The following CD83 variants were observed in gnomAD, a reference collection of about 807,000 sequenced individuals.
CD83 encodes CD83 molecule, also known as CD83 antigen.
Under a neutral mutation model 24.6 loss-of-function variants are expected in CD83, and 22 were observed. That is an observed-to-expected ratio of 0.90 (90% CI 0.64 to 1.28). CD83 has a LOEUF of 1.28. Among genes scored for constraint, CD83 ranks in the 50% most tolerant of loss-of-function variants. The probability of loss-of-function intolerance (pLI) is 0.00; values close to 1 mark genes in which losing one functional copy is unlikely to be tolerated. For missense variants in CD83, 253 were observed against 252.8 expected, an observed-to-expected ratio of 1.00 and a Z score of -0.01; for synonymous variants, 101 against 103.5, an observed-to-expected ratio of 0.98 and a Z score of 0.14.
chr6:14,117,399 C>G (rs1247441130), upstream of CD83: 1 of 152,168 alleles, frequency 6.6e-6, no homozygotes, highest in Admixed American at 6.5e-5. This position sits in a 1 kb window ranked among gnomAD's most constrained non-coding sequence, Gnocchi z 4.6. Context: ...TCGGATGGCC[C>G]GGTTCCCGGC....
rs567482015 is a variant in CD83, at chr6:14,129,878, C to T, written c.154-1642C>T. 5.8e-4 allele frequency among the ~76,000 whole-genome samples: 87 copies of T among 151,162 alleles called. No individual in the cohort carries two copies. In the South Asian group the frequency reaches 9.4e-3, roughly 16 times the overall value. On this transcript the variant is annotated intron_variant, in intron 2 of 4. Transcript: ENST00000379153. This position sits in a 1 kb window ranked among gnomAD's most constrained non-coding sequence, Gnocchi z 4.3. ...GTGTGTGTGTGTATACGAGTGCACACGTGCCCATGTGTATGTATTTTCTTT... is the reference window on the plus strand; with the variant it reads ...GTGTGTGTGTGTATACGAGTGCACATGTGCCCATGTGTATGTATTTTCTTT...
At chr6:14,121,806 C>A (rs1759677617) in intron 2 of CD83, among the ~76,000 whole-genome samples, 1 of 152,020 alleles carries the variant, frequency 6.6e-6, no homozygotes, top group Non-Finnish European at 1.5e-5. Context: ...CATTAAAGGG[C>A]TGCATGTGGA....
rs150522701 is a variant in CD83 at position 14,129,994 on chromosome 6, G to C, written c.154-1526G>C. Among the ~76,000 whole-genome samples, 1 of 152,256 alleles carries C rather than the reference G, an allele frequency of 6.6e-6. No individual in the cohort carries two copies. Among genetic ancestry groups the C allele is most frequent in the East Asian group, 1.9e-4 (1 of 5,174 alleles). Reference sequence around the variant, plus strand: ...TCCTAAAAGTCAGAGAAGAGTTGTAGGGTGCTCCCAGAACGGGAGATTCAT... The same window carrying C: ...TCCTAAAAGTCAGAGAAGAGTTGTACGGTGCTCCCAGAACGGGAGATTCAT... On this transcript the variant is annotated intron_variant, in intron 2 of 4. Coordinates refer to ENST00000379153, the MANE Select transcript of CD83 (RefSeq NM_004233.4). The surrounding 1 kb of genome is among the most constrained non-coding windows in gnomAD (Gnocchi z 4.3).
At position 14,131,700 on chromosome 6, in the gene CD83, C is replaced by T. The variant is rs779294520; in HGVS notation, c.334C>T (p.Pro112Ser). ...SGTYRCTLQD[P>S]DGQRNLSGKV... is the part of the protein sequence containing the mutation. The stretch of plus-strand genomic sequence containing the variant: ...GACATACAGGTGCACTCTGCAGGAC[C>T]CGGATGGGCAGAGAAACCTAAGTGG... Residue 112 changes from proline (P) to serine (S), a missense_variant, in exon 3 of 5, where the codon CCG becomes TCG. Transcript: ENST00000379153. 3.1e-6 allele frequency: 5 copies of T among 1,614,022 alleles called. No individual in the cohort carries two copies. Among genetic ancestry groups the T allele is most frequent in the African/African-American group, 2.7e-5 (2 of 74,894 alleles).
rs1029082241 is a variant in CD83, at chr6:14,135,691, A to G, written c.*455A>G. 6.4e-6 allele frequency: 1 copy of G among 155,292 alleles called. No individual in the cohort carries two copies. The highest frequency in any genetic ancestry group is 2.0e-4 in the South Asian group (1 of 4,958). 9.6% of individuals were successfully genotyped at this position (155,292 alleles called of 1,614,324 possible). The stretch of plus-strand genomic sequence containing the variant: ...CCCAGATGTTTTACGTCTGGGAGAA[A>G]TTGACAGATCAAGCTGTGAGACAGT... On this transcript the variant is annotated 3_prime_UTR_variant, in exon 5 of 5. Coordinates refer to ENST00000379153, the MANE Select transcript of CD83 (RefSeq NM_004233.4).
rs853357 is a variant in CD83 at position 14,129,399 on chromosome 6, A to G, written c.154-2121A>G. 0.087 allele frequency among the ~76,000 whole-genome samples: 13,252 copies of G among 152,200 alleles called. 766 individuals carry two copies. The highest frequency in any genetic ancestry group is 0.2 in the East Asian group (1,053 of 5,160). On this transcript the variant is annotated intron_variant, in intron 2 of 4. Transcript: ENST00000379153. This position sits in a 1 kb window ranked among gnomAD's most constrained non-coding sequence, Gnocchi z 4.3. ...TGAGCCCATGACGAGGCTTCAGTTT[A>G]TGGTTTACTTAGGCTTGAAAAGGGA... is the stretch of plus-strand genomic sequence containing the variant.
intron 3 of CD83, among the ~76,000 whole-genome samples, chr6:14,133,189 A>G (rs1329653443): frequency 1.3e-5 from 2 of 152,246 alleles, no homozygotes; most frequent in Non-Finnish European, 2.9e-5. Flanking sequence ...GACACACCAC[A>G]GTCTACCCAA....
chr6:14,134,393 G>A (rs983287897), intron 4 of CD83, among the ~76,000 whole-genome samples: 2 of 152,198 alleles, frequency 1.3e-5, no homozygotes, highest in African/African-American at 4.8e-5. Flanking sequence ...CTTTCTGCAT[G>A]GCTGCTCACC....
intron 4 of CD83, among the ~76,000 whole-genome samples, chr6:14,134,898 A>G (rs1758007629): frequency 6.6e-6 from 1 of 152,238 alleles, no homozygotes; most frequent in African/African-American, 2.4e-5. Context: ...GGGGGTCGAA[A>G]TGGCCACAAT....
rs1759886351 is a variant in CD83 at position 14,129,047 on chromosome 6, G to A, written c.154-2473G>A. The stretch of plus-strand genomic sequence containing the variant: ...CAGAGGGGTTCACAGTGTTGATCTT[G>A]ACTTTCAGATGGGCCTTTCTGAGCT... On this transcript the variant is annotated intron_variant, in intron 2 of 4. Transcript: ENST00000379153. The surrounding 1 kb of genome is among the most constrained non-coding windows in gnomAD (Gnocchi z 4.3). Among the ~76,000 whole-genome samples, 1 of 152,180 alleles carries A rather than the reference G, an allele frequency of 6.6e-6. No individual in the cohort carries two copies. The highest frequency in any genetic ancestry group is 1.5e-5 in the Non-Finnish European group (1 of 68,030).
chr6:14,122,221 T>A (rs1283401968), intron 2 of CD83, among the ~76,000 whole-genome samples: 1 of 152,238 alleles, frequency 6.6e-6, no homozygotes, highest in Non-Finnish European at 1.5e-5. Flanking sequence ...TGGAGTGTTC[T>A]GCTTCTGACA....
At position 14,118,289 on chromosome 6, in the gene CD83, C is replaced by T. The variant is rs114736117; in HGVS notation, c.153+224C>T. Among the ~76,000 whole-genome samples the T allele has an allele frequency of 9.8e-3, 1,488 of 152,250 alleles. 22 individuals carry two copies. The highest frequency in any genetic ancestry group is 0.034 in the African/African-American group (1,430 of 41,524). ...TTTGCTCTCCGCAGACCTCAATCCCCTTCCTGTCACTGAAGGTGGCCTGAG... is the reference window on the plus strand; with the variant it reads ...TTTGCTCTCCGCAGACCTCAATCCCTTTCCTGTCACTGAAGGTGGCCTGAG... On this transcript the variant is annotated intron_variant, in intron 2 of 4. Transcript: ENST00000379153.
upstream of CD83, chr6:14,117,595 G>A (rs1171702283): frequency 6.6e-6 from 1 of 150,424 alleles, no homozygotes; most frequent in Non-Finnish European, 1.4e-5. The surrounding 1 kb of genome is among the most constrained non-coding windows in gnomAD (Gnocchi z 4.6). Flanking sequence ...GTGCGACGGG[G>A]GCGGGGACGG....
At chr6:14,131,808 T>C (rs151045544) in intron 3 of CD83, 60 bp downstream of exon 3, 5 of 1,180,022 alleles carry the variant, frequency 4.2e-6, no homozygotes, top group Non-Finnish European at 6.3e-6. Flanking sequence ...TTCCTTTAGG[T>C]CCTAAAATCG....
Position 14,135,333 on chromosome 6 carries a change from G to T in CD83, c.*97G>T. On this transcript the variant is annotated 3_prime_UTR_variant, in exon 5 of 5. Transcript: ENST00000379153. The stretch of plus-strand genomic sequence containing the variant: ...AGAAGAATGAGCCTACGCTGAAGAT[G>T]GCATCCTGTGAAGTCCTTCACCTCA... 1 of 1,352,406 alleles carries T rather than the reference G, an allele frequency of 7.4e-7. No homozygotes were observed. 83.8% of individuals were successfully genotyped at this position (1,352,406 alleles called of 1,614,324 possible).
rs945742300 is a variant in CD83, at chr6:14,131,862, T to C, written c.382+114T>C. 5.8e-6 allele frequency: 4 copies of C among 694,528 alleles called. No homozygotes were observed. The East Asian group carries it at 8.1e-5, about 14-fold the overall frequency. 43.0% of individuals were successfully genotyped at this position (694,528 alleles called of 1,614,324 possible). On this transcript the variant is annotated intron_variant, in intron 3 of 4. Coordinates refer to ENST00000379153, the MANE Select transcript of CD83 (RefSeq NM_004233.4). ...TAGCTCTAGAGCTTTGGATCACATCTGTGGCTGAAAGTGGAAATCCGCTGC... is the reference window on the plus strand; with the variant it reads ...TAGCTCTAGAGCTTTGGATCACATCCGTGGCTGAAAGTGGAAATCCGCTGC...
chr6:14,118,198 G>C (rs541552228), intron 2 of CD83, 133 bp downstream of exon 2: 1 of 617,404 alleles, frequency 1.6e-6, no homozygotes, highest in African/African-American at 1.9e-5. Context: ...GCTGAACTTG[G>C]AGTACCCAGC....
At chr6:14,117,648 G>A (rs1044518654), upstream of CD83, 4 of 394,480 alleles carry the variant, frequency 1.0e-5, no homozygotes, top group Non-Finnish European at 1.8e-5. This position sits in a 1 kb window ranked among gnomAD's most constrained non-coding sequence, Gnocchi z 4.6. Flanking sequence ...GGGGCGCCCC[G>A]GCCTAAGCGG....
At chr6:14,118,223 C>T (rs1468783919) in intron 2 of CD83, among the ~76,000 whole-genome samples, 158 bp downstream of exon 2, 1 of 152,162 alleles carries the variant, frequency 6.6e-6, no homozygotes, top group Non-Finnish European at 1.5e-5. Flanking sequence ...CGTCGCGCCT[C>T]CCCCACCCCA....
Sources: allele counts gnomAD v4.1 joint callset (sites outside exome capture counted in the v4.1 genomes callset), GRCh38; gene constraint gnomAD v4.1.1; non-coding constraint Gnocchi (gnomAD v3.1); transcripts MANE v1.5; gene names NCBI Gene and HGNC (gene_info 2026-07-23, HGNC 2026-07-21).